Variants in AXIN1 observed in about 807,000 individuals in gnomAD.
The protein encoded by AXIN1 is axin 1, also known as axin-1.
AXIN1 carries 30 observed loss-of-function variants against 76.4 expected under a neutral mutation model. That is an observed-to-expected ratio of 0.39 (90% CI 0.29 to 0.53). The LOEUF (loss-of-function observed/expected upper bound fraction) is 0.53. Among genes scored for constraint, AXIN1 ranks in the 20% least tolerant of loss-of-function variants. The pLI, the probability that AXIN1 is intolerant of heterozygous loss-of-function variation, is 0.66. For missense variants in AXIN1, 1,140 were observed against 1,198.8 expected (o/e 0.95, Z 0.72); for synonymous variants, 545 against 501.4 (o/e 1.09, Z -1.16).
intron 2 of AXIN1, among the ~76,000 whole-genome samples, chr16:326,889 C>G (rs923694598): frequency 9.9e-5 from 15 of 151,942 alleles, no homozygotes; most frequent in Non-Finnish European, 2.1e-4. Context: ...ACCTGTAATC[C>G]CAACAGTTTG....
intron 2 of AXIN1, among the ~76,000 whole-genome samples, chr16:333,633 C>T (rs921438009): frequency 7.2e-5 from 11 of 151,928 alleles, no homozygotes; most frequent in African/African-American, 2.4e-4. Context: ...AGAATGGAGC[C>T]AGGTCTTTCC....
chr16:342,055 T>A (rs8052093), intron 2 of AXIN1, among the ~76,000 whole-genome samples: 78,163 of 139,102 alleles, frequency 0.56, 19,673 homozygotes, highest in South Asian at 0.75. Context: ...GAATAAAAGC[T>A]GGCTGCGGGA....
intron 3 of AXIN1, among the ~76,000 whole-genome samples, chr16:312,053 C>T (rs1597040576): frequency 6.6e-6 from 1 of 152,182 alleles, no homozygotes; most frequent in Non-Finnish European, 1.5e-5. Flanking sequence ...ACACTTGCCT[C>T]GGGGTTTGTT....
In AXIN1 at chr16:325,200, G is replaced by A. The variant is rs542912380; in HGVS notation, c.879-10517C>T. Among the ~76,000 whole-genome samples, 77 of 152,214 alleles carry A rather than the reference G, an allele frequency of 5.1e-4. 1 individual carries two copies. Among genetic ancestry groups the A allele is most frequent in the East Asian group, 1.7e-3 (9 of 5,158 alleles). On this transcript the variant is annotated intron_variant, in intron 2 of 10. Coordinates refer to ENST00000262320, the MANE Select transcript of AXIN1 (RefSeq NM_003502.4). The stretch of plus-strand genomic sequence containing the variant: ...TCGCCTCAGCCCACATATTCAACCC[G>A]GAAGCCTGGGGAGGCTTCCCTTGGG...
chr16:322,864 G>C (rs1263918436), intron 2 of AXIN1, among the ~76,000 whole-genome samples: 1 of 152,244 alleles, frequency 6.6e-6, no homozygotes, highest in Non-Finnish European at 1.5e-5. Context: ...CAGTGGCCTG[G>C]GGGAAGAGGT....
intron 2 of AXIN1, among the ~76,000 whole-genome samples, chr16:342,524 C>T (rs1326502891): frequency 2.6e-5 from 4 of 152,208 alleles, no homozygotes; most frequent in Non-Finnish European, 5.9e-5. Context: ...TTTGCATTAC[C>T]CGCAGCCTTC....
At chr16:307,293 C>T (rs2053053283) in intron 4 of AXIN1, among the ~76,000 whole-genome samples, 4 of 152,216 alleles carry the variant, frequency 2.6e-5, no homozygotes. Flanking sequence ...CAGGCTGCGT[C>T]ACCACGGTTC....
At chr16:339,791 T>G (rs1412680985) in intron 2 of AXIN1, among the ~76,000 whole-genome samples, 3 of 152,206 alleles carry the variant, frequency 2.0e-5, no homozygotes, top group South Asian at 4.1e-4. Context: ...AGGGGCAGTA[T>G]GGCTCACAAG....
intron 2 of AXIN1, among the ~76,000 whole-genome samples, chr16:320,737 A>AT (rs201303569): frequency 0.056 from 4,946 of 88,992 alleles, 229 homozygotes; most frequent in South Asian, 0.25. Context: ...ATATATATAT[A>AT]TATATATTTT....
At position 296,743 on chromosome 16, in the gene AXIN1, T is replaced by C. The variant is rs1056845926; in HGVS notation, c.1955+313A>G. On this transcript the variant is annotated intron_variant, in intron 7 of 10. Coordinates refer to ENST00000262320, the MANE Select transcript of AXIN1 (RefSeq NM_003502.4). Reference sequence around the variant, plus strand: ...TCCCAGGTGACTTAGGTCATTCTCATGTGGGGGTCAGACTGGAAATGACCT... The same window carrying C: ...TCCCAGGTGACTTAGGTCATTCTCACGTGGGGGTCAGACTGGAAATGACCT... 7.2e-5 allele frequency among the ~76,000 whole-genome samples: 11 copies of C among 152,258 alleles called. No individual in the cohort carries two copies. The South Asian group carries it at 2.3e-3, about 32-fold the overall frequency.
intron 3 of AXIN1, among the ~76,000 whole-genome samples, chr16:311,698 G>A (rs1389318447): frequency 6.6e-6 from 1 of 152,162 alleles, no homozygotes; most frequent in East Asian, 1.9e-4. Context: ...GTGAACCCGG[G>A]AGGCGGAGGT....
At chr16:334,312 C>G (rs1426246018) in intron 2 of AXIN1, among the ~76,000 whole-genome samples, 3 of 150,418 alleles carry the variant, frequency 2.0e-5, no homozygotes, top group Non-Finnish European at 3.0e-5. Context: ...AACCCAGCAC[C>G]CAGTACCATG....
At chr16:313,035 G>A (rs1222151609) in intron 3 of AXIN1, among the ~76,000 whole-genome samples, 5 of 150,986 alleles carry the variant, frequency 3.3e-5, no homozygotes, top group African/African-American at 4.9e-5. Context: ...ATCATCAGCC[G>A]GATGCAGTGG....
At chr16:352,316 CGCCCGCCCGGCCTACCGCGGCCTA>C in intron 1 of AXIN1, 29 bp downstream of exon 1, 2 of 959,928 alleles carry the variant, frequency 2.1e-6, no homozygotes, top group Non-Finnish European at 2.5e-6. Context: ...TTCCGGGTCC[CGCCCGCCCGGCCTACCGCGGCCTA>C]GCCCGCCCCG....
rs2141516962 is a variant in AXIN1, at chr16:298,269, G to A, written c.1255-18C>T. On this transcript the variant is annotated intron_variant, in intron 5 of 10. Transcript: ENST00000262320. ...TCCTCCTCCTGTGTGGGGACAAGCA[G>A]CACCATCACCTCTCAGCACCAGCTG... 1 of 1,537,856 alleles carries A rather than the reference G, an allele frequency of 6.5e-7. No homozygotes were observed. Among genetic ancestry groups the A allele is most frequent in the Non-Finnish European group, 8.7e-7 (1 of 1,146,928 alleles).
chr16:346,076 G>A (rs2141699345), intron 2 of AXIN1, 72 bp downstream of exon 2: 1 of 1,512,364 alleles, frequency 6.6e-7, no homozygotes, highest in Non-Finnish European at 9.1e-7. Context: ...CGCCTCATCA[G>A]CACCTTTCCC....
At chr16:295,343 C>A (rs1209282076) in intron 7 of AXIN1, among the ~76,000 whole-genome samples, 2 of 151,838 alleles carry the variant, frequency 1.3e-5, no homozygotes, top group Non-Finnish European at 1.5e-5. Flanking sequence ...CTCCGGACCT[C>A]AAGCGATCCA....
intron 2 of AXIN1, among the ~76,000 whole-genome samples, chr16:345,818 A>G (rs982327890): frequency 6.6e-6 from 1 of 152,136 alleles, no homozygotes; most frequent in Non-Finnish European, 1.5e-5. Context: ...TACTGGGTAG[A>G]TCCAGCTCCT....
chr16:291,966 T>G, intron 8 of AXIN1: 1 of 155,286 alleles, frequency 6.4e-6, no homozygotes, highest in Non-Finnish European at 1.4e-5. Flanking sequence ...GGGGGGATGC[T>G]GGAGCCCAGC....
Sources: gnomAD v4.1 joint callset for allele counts (sites outside exome capture counted in the v4.1 genomes callset) on GRCh38, gnomAD v4.1.1 for gene constraint, MANE v1.5 for transcripts, NCBI Gene and HGNC (gene_info 2026-07-23, HGNC 2026-07-21) for gene names.